GRIK3: variants seen among roughly 807,000 people sequenced by gnomAD.
GRIK3 encodes glutamate receptor ionotropic, kainate 3.
Under a neutral mutation model 102.5 loss-of-function variants are expected in GRIK3, and 29 were observed. The observed-to-expected ratio is 0.28, with a 90% CI of 0.21 to 0.39. GRIK3 has a LOEUF of 0.39. GRIK3 is among the 10% of genes least tolerant of loss of function. GRIK3 has a pLI of 1.00. For synonymous variants in GRIK3, 511 were observed against 504.9 expected, an observed-to-expected ratio of 1.01 and a Z score of -0.16; for missense variants, 908 against 1,252.4, an observed-to-expected ratio of 0.73 and a Z score of 4.15.
At chr1:36,978,796 GGTCTAGGCT>G (rs775678421) in intron 1 of GRIK3, among the ~76,000 whole-genome samples, 1 of 152,182 alleles carries the variant, frequency 6.6e-6, no homozygotes, top group African/African-American at 2.4e-5. Context: ...CCTTTGCAGA[GGTCTAGGCT>G]TAGAACTGGC....
At chr1:36,803,998 T>G (rs976867519) in intron 15 of GRIK3, among the ~76,000 whole-genome samples, 27 of 152,232 alleles carry the variant, frequency 1.8e-4, no homozygotes, top group African/African-American at 6.3e-4. Flanking sequence ...TGGAAGACTC[T>G]GAACATACCG....
chr1:36,895,127 A>G (rs1156815569), intron 1 of GRIK3, among the ~76,000 whole-genome samples: 1 of 152,150 alleles, frequency 6.6e-6, no homozygotes, highest in East Asian at 1.9e-4. Flanking sequence ...TAATCATAGC[A>G]CTATAGAATG....
intron 1 of GRIK3, among the ~76,000 whole-genome samples, chr1:36,951,194 C>G (rs981304144): frequency 6.6e-6 from 1 of 152,318 alleles, no homozygotes; most frequent in South Asian, 2.1e-4. Flanking sequence ...TTAGAGTCCT[C>G]TGAGGGTCAG....
At chr1:36,947,438 C>A (rs575056156) in intron 1 of GRIK3, among the ~76,000 whole-genome samples, 2 of 152,142 alleles carry the variant, frequency 1.3e-5, no homozygotes, top group Admixed American at 6.5e-5. Context: ...GTCCTCTGCT[C>A]AAAAGCCTTC....
At position 36,817,105 on chromosome 1, in the gene GRIK3, G is replaced by A. The variant is rs766198631; in HGVS notation, c.2046C>T (p.Ile682=). 15 of 1,614,020 alleles carry A rather than the reference G, an allele frequency of 9.3e-6. No homozygotes were observed. Among genetic ancestry groups the A allele is most frequent in the African/African-American group, 1.3e-5 (1 of 74,916 alleles). The change falls in exon 13 of 16, where the codon ATC becomes ATT. Residue 682 remains isoleucine, a synonymous_variant. Transcript: ENST00000373091. ...CCCCATCCTTGACAGCCCCATACTC[G>A]ATTTTGGTTTGCTTGGCCAGGTCAT... ...SADDLAKQTK[I]EYGAVKDGAT...
intron 15 of GRIK3, chr1:36,804,523 T>C (rs961711626): frequency 5.5e-6 from 1 of 181,904 alleles, no homozygotes; most frequent in Non-Finnish European, 1.1e-5. Flanking sequence ...CTGTTAACTT[T>C]TCCTTTTTAA....
chr1:36,840,603 T>C (rs951172691), intron 10 of GRIK3, among the ~76,000 whole-genome samples: 14 of 148,830 alleles, frequency 9.4e-5, no homozygotes, highest in Admixed American at 9.4e-4. Context: ...GCCTCGTGCC[T>C]GTAGCCCCAG....
At chr1:37,022,682 T>G (rs1186207669) in intron 1 of GRIK3, among the ~76,000 whole-genome samples, 1 of 152,240 alleles carries the variant, frequency 6.6e-6, no homozygotes, top group African/African-American at 2.4e-5. Flanking sequence ...AAAATCCTCA[T>G]TGACAAAATG....
intron 3 of GRIK3, among the ~76,000 whole-genome samples, chr1:36,876,491 C>T (rs933389116): frequency 6.6e-6 from 1 of 152,162 alleles, no homozygotes; most frequent in South Asian, 2.1e-4. Context: ...CAATACTGAC[C>T]CAGCACCCTG....
intron 1 of GRIK3, among the ~76,000 whole-genome samples, chr1:36,910,270 T>A (rs1261354709): frequency 6.6e-6 from 1 of 152,240 alleles, no homozygotes; most frequent in African/African-American, 2.4e-5. Context: ...CTGAGCCCAC[T>A]CTTTCTTTTC....
chr1:36,806,092 C>G lies in GRIK3; in HGVS notation c.2314+12G>C, dbSNP rs1372616884. 6.3e-7 allele frequency: 1 copy of G among 1,598,462 alleles called. No individual in the cohort carries two copies. The highest frequency in any genetic ancestry group is 8.6e-7 in the Non-Finnish European group (1 of 1,167,118). ...ACACACCCACCCCTCCCACAGGCAGCCCCTCGCTCACCCATGGGCGTGCCG... is the reference window on the plus strand; with the variant it reads ...ACACACCCACCCCTCCCACAGGCAGGCCCTCGCTCACCCATGGGCGTGCCG... On this transcript the variant is annotated intron_variant, in intron 14 of 15. Transcript: ENST00000373091. The surrounding 1 kb of genome is among the most constrained non-coding windows in gnomAD (Gnocchi z 4.0).
chr1:36,822,934 T>G (rs1642711219), intron 11 of GRIK3, among the ~76,000 whole-genome samples: 1 of 152,140 alleles, frequency 6.6e-6, no homozygotes, highest in Admixed American at 6.5e-5. Context: ...CCTTGCACAA[T>G]GCCTGGTCCC....
At chr1:36,873,268 T>C (rs1640862827) in intron 3 of GRIK3, among the ~76,000 whole-genome samples, 2 of 152,164 alleles carry the variant, frequency 1.3e-5, no homozygotes, top group Admixed American at 1.3e-4. Flanking sequence ...GTTTTTTGTT[T>C]TTCCTCCCAC....
At chr1:36,886,686 T>C (rs2124269069) in intron 2 of GRIK3, among the ~76,000 whole-genome samples, 1 of 152,340 alleles carries the variant, frequency 6.6e-6, no homozygotes, top group Non-Finnish European at 1.5e-5. Context: ...AGTGCATTAA[T>C]GTTAAGCACA....
At chr1:36,941,820 G>T (rs1474570041) in intron 1 of GRIK3, among the ~76,000 whole-genome samples, 1 of 151,926 alleles carries the variant, frequency 6.6e-6, no homozygotes, top group Non-Finnish European at 1.5e-5. Context: ...GCTTTTAAAG[G>T]GGAGCAGAAT....
intron 11 of GRIK3, among the ~76,000 whole-genome samples, chr1:36,824,611 T>A (rs1447539005): frequency 1.3e-5 from 2 of 152,142 alleles, no homozygotes; most frequent in African/African-American, 2.4e-5. Flanking sequence ...AGTCATTGGA[T>A]CTCAAATTGC....
intron 1 of GRIK3, 82 bp downstream of exon 1, chr1:37,033,912 C>A: frequency 1.4e-6 from 1 of 726,308 alleles, no homozygotes; most frequent in South Asian, 1.7e-5. Context: ...TTAGGAAAAT[C>A]TCTCCGGAAC....
At chr1:36,982,537 A>G (rs1053894842) in intron 1 of GRIK3, among the ~76,000 whole-genome samples, 10 of 152,212 alleles carry the variant, frequency 6.6e-5, no homozygotes, top group African/African-American at 2.4e-4. Flanking sequence ...AGATGTGCAT[A>G]TGAACAATTC....
rs376859155 is a variant in GRIK3, at chr1:36,982,264, C to T, written c.115+51730G>A. On this transcript the variant is annotated intron_variant, in intron 1 of 15. Transcript: ENST00000373091. ...GACAGGACTCTGATGGTCAGGGCCC[C>T]GGGCTGGCAGCCAAAGGTGCTGTGG... 1.2e-4 allele frequency among the ~76,000 whole-genome samples: 19 copies of T among 152,274 alleles called. No homozygotes were observed. In the East Asian group the frequency reaches 2.7e-3, roughly 22 times the overall value.
Sources: gnomAD v4.1 joint callset for allele counts (sites outside exome capture counted in the v4.1 genomes callset) on GRCh38, gnomAD v4.1.1 for gene constraint, Gnocchi (gnomAD v3.1) non-coding constraint, MANE v1.5 for transcripts, NCBI Gene and HGNC (gene_info 2026-07-23, HGNC 2026-07-21) for gene names.